Variants in ARMC12 observed in about 807,000 individuals in gnomAD.
ARMC12 encodes the protein armadillo repeat-containing protein 12.
In ARMC12, 25 loss-of-function variants were observed where a neutral mutation model predicts 37.4. That is an observed-to-expected ratio of 0.67 (90% CI 0.49 to 0.93). ARMC12 has a LOEUF of 0.93. Ranked by LOEUF, ARMC12 falls within the 40% of genes least tolerant of loss-of-function variation. The pLI is 0.00. For synonymous variants in ARMC12, 167 were observed against 176.1 expected (o/e 0.95, Z 0.41); for missense variants, 384 against 426.6 (o/e 0.90, Z 0.88).
At chr6:35,740,900 T>G in intron 3 of ARMC12, among the ~76,000 whole-genome samples, 1 of 146,914 alleles carries the variant, frequency 6.8e-6, no homozygotes, top group South Asian at 2.2e-4. Flanking sequence ...CCTTCTGGTT[T>G]TTTTTTTTTT....
Position 35,738,524 on chromosome 6 carries a change from C to T in ARMC12, c.444+6C>T, listed in dbSNP as rs1372322466. ...AATTCAGGCTCAAAATCCAGGTGAG[C>T]CCAGGGATGCGTGGTGGGGCATGCA... is the stretch of plus-strand genomic sequence containing the variant. On this transcript the variant is annotated splice_donor_region_variant and intron_variant, in intron 3 of 5. Transcript: ENST00000373866. 2 of 1,613,790 alleles carry T rather than the reference C, an allele frequency of 1.2e-6. No individual in the cohort carries two copies. The highest frequency in any genetic ancestry group is 1.7e-6 in the Non-Finnish European group (2 of 1,179,906).
upstream of ARMC12, among the ~76,000 whole-genome samples, chr6:35,732,502 C>G (rs1766858327): frequency 6.6e-6 from 1 of 152,206 alleles, no homozygotes. Flanking sequence ...GCAAGCCTGT[C>G]GGACTGCAAA....
chr6:35,742,651 G>T (rs2151042091), intron 3 of ARMC12, among the ~76,000 whole-genome samples: 1 of 152,128 alleles, frequency 6.6e-6, no homozygotes, highest in South Asian at 2.1e-4. Flanking sequence ...CTGACCCCTG[G>T]TCTCTTTTCA....
At chr6:35,739,056 T>A (rs549409740) in intron 3 of ARMC12, among the ~76,000 whole-genome samples, 17 of 152,196 alleles carry the variant, frequency 1.1e-4, no homozygotes, top group South Asian at 2.1e-4. Flanking sequence ...TGGTTTTTTA[T>A]ATAAAGGACA....
chr6:35,736,996 G>T (rs999432182), upstream of ARMC12: 9 of 1,492,454 alleles, frequency 6.0e-6, no homozygotes, highest in African/African-American at 1.3e-4. Flanking sequence ...TTGTTGCCTA[G>T]GTTCCAATTC....
chr6:35,739,751 C>T (rs1444963991), intron 3 of ARMC12, among the ~76,000 whole-genome samples: 1 of 152,176 alleles, frequency 6.6e-6, no homozygotes, highest in South Asian at 2.1e-4. Flanking sequence ...GTTATGGAGG[C>T]CTGCCACAAG....
chr6:35,733,277 A>G (rs1377508216), upstream of ARMC12, among the ~76,000 whole-genome samples: 1 of 152,190 alleles, frequency 6.6e-6, no homozygotes, highest in East Asian at 1.9e-4. Context: ...GGATGCTTCG[A>G]GGGCTACCAT....
the ARMC12 span, among the ~76,000 whole-genome samples, chr6:35,731,960 G>A: frequency 2.6e-5 from 4 of 152,182 alleles, no homozygotes; most frequent in African/African-American, 9.6e-5. Context: ...CGCGGCGGGA[G>A]TGGGGGAGGG....
At chr6:35,743,945 CAA>C (rs575151896) in intron 3 of ARMC12, among the ~76,000 whole-genome samples, 15 of 88,714 alleles carry the variant, frequency 1.7e-4, no homozygotes, top group Admixed American at 2.5e-4. Context: ...GACTCCATCT[CAA>C]AAAAAAAAAA....
intron 3 of ARMC12, among the ~76,000 whole-genome samples, chr6:35,743,934 A>G (rs1410501169): frequency 1.1e-4 from 17 of 150,832 alleles, no homozygotes; most frequent in African/African-American, 3.7e-4. Flanking sequence ...GATGGGAGTG[A>G]GACTCCATCT....
chr6:35,741,861 A>G (rs1767178050), intron 3 of ARMC12, among the ~76,000 whole-genome samples: 3 of 152,266 alleles, frequency 2.0e-5, no homozygotes. Context: ...ACAGAAAAAA[A>G]TACCTAGAGA....
At chr6:35,743,875 G>A (rs1364776785) in intron 3 of ARMC12, among the ~76,000 whole-genome samples, 2 of 150,030 alleles carry the variant, frequency 1.3e-5, no homozygotes, top group African/African-American at 4.9e-5. Flanking sequence ...AACCCAGGAG[G>A]TGGAGGTTGC....
In ARMC12 at chr6:35,737,131, A is replaced by G; in HGVS notation, c.23A>G (p.Tyr8Cys). Residue 8 changes from tyrosine to cysteine, a missense_variant, in exon 1 of 6, where the codon TAC becomes TGC. Transcript: ENST00000373866. MGKSIPQ[Y>C]LGQLDIRKSV... Reference sequence around the variant, plus strand: ...GACATGGGCAAGAGCATCCCCCAATACCTGGGGCAACTGGACATCCGCAAA... The same window carrying G: ...GACATGGGCAAGAGCATCCCCCAATGCCTGGGGCAACTGGACATCCGCAAA... The G allele has an allele frequency of 1.9e-6, 3 of 1,613,986 alleles. No individual in the cohort carries two copies. Among genetic ancestry groups the G allele is most frequent in the Non-Finnish European group, 2.5e-6 (3 of 1,179,994 alleles).
Position 35,738,485 on chromosome 6 carries a change from C to A in ARMC12, c.411C>A (p.Phe137Leu). The change falls in exon 3 of 6, where the codon TTC becomes TTA. Residue 137 changes from phenylalanine (F) to leucine (L), a missense_variant. Coordinates refer to ENST00000373866, the MANE Select transcript of ARMC12 (RefSeq NM_001286574.2). ...KTQALNTLKA[F>L]SGIRKFRLKI... Reference sequence around the variant, plus strand: ...AAGCTCTGAATACACTTAAAGCTTTCTCTGGCATCAGAAAATTCAGGCTCA... The same window carrying A: ...AAGCTCTGAATACACTTAAAGCTTTATCTGGCATCAGAAAATTCAGGCTCA... 1 of 1,614,070 alleles carries A rather than the reference C, an allele frequency of 6.2e-7. No homozygotes were observed. Among genetic ancestry groups the A allele is most frequent in the Non-Finnish European group, 8.5e-7 (1 of 1,180,024 alleles).
At chr6:35,737,335 C>T in intron 1 of ARMC12, 64 bp downstream of exon 1, 1 of 1,614,196 alleles carries the variant, frequency 6.2e-7, no homozygotes, top group South Asian at 1.1e-5. Flanking sequence ...GAGGCCTCTG[C>T]TGTGGGAGGG....
intron 3 of ARMC12, among the ~76,000 whole-genome samples, chr6:35,742,044 G>A (rs1246969225): frequency 6.6e-6 from 1 of 150,986 alleles, no homozygotes; most frequent in East Asian, 2.0e-4. Flanking sequence ...TTTTTTAGAG[G>A]TGGGGTTTTG....
At chr6:35,742,802 C>A (rs1481609034) in intron 3 of ARMC12, among the ~76,000 whole-genome samples, 2 of 152,164 alleles carry the variant, frequency 1.3e-5, no homozygotes, top group Non-Finnish European at 2.9e-5. Context: ...GTTCTCTAAC[C>A]CAACATATCC....
chr6:35,744,265 C>A (rs995182504), intron 3 of ARMC12, among the ~76,000 whole-genome samples: 3 of 152,088 alleles, frequency 2.0e-5, no homozygotes, highest in Admixed American at 6.5e-5. Flanking sequence ...CCTCACCCTC[C>A]CAAGTAGCTG....
At chr6:35,746,783 G>C (rs1047871000) in intron 3 of ARMC12, among the ~76,000 whole-genome samples, 7 of 152,254 alleles carry the variant, frequency 4.6e-5, no homozygotes, top group Middle Eastern at 3.4e-3. Context: ...CCATAGCTGA[G>C]ACAGGGAAAG....
Sources: allele counts gnomAD v4.1 joint callset (sites outside exome capture counted in the v4.1 genomes callset), GRCh38; gene constraint gnomAD v4.1.1; transcripts MANE v1.5; gene names NCBI Gene and HGNC (gene_info 2026-07-23, HGNC 2026-07-21).